Variants in BDH2 observed in about 807,000 individuals in gnomAD.
BDH2 encodes the protein dehydrogenase/reductase SDR family member 6.
BDH2 carries 24 observed loss-of-function variants against 33.2 expected under a neutral mutation model. The ratio of observed to expected loss-of-function variants is 0.72; its 90% confidence interval spans 0.52 to 1.02. The LOEUF (loss-of-function observed/expected upper bound fraction) is 1.02. Ranked by LOEUF, BDH2 falls within the 50% of genes least tolerant of loss-of-function variation. The pLI is 0.00. For synonymous variants in BDH2, 81 were observed against 101.6 expected (o/e 0.80, Z 1.22); for missense variants, 249 against 301.6 (o/e 0.83, Z 1.29).
intron 3 of BDH2, among the ~76,000 whole-genome samples, chr4:103,094,109 G>A (rs1170625622): frequency 6.6e-6 from 1 of 152,148 alleles, no homozygotes; most frequent in East Asian, 1.9e-4. Flanking sequence ...GTGGGGTGAA[G>A]AAGTGGTGGT....
At chr4:103,095,796 TA>T (rs1748375603) in intron 2 of BDH2, among the ~76,000 whole-genome samples, 1 of 152,222 alleles carries the variant, frequency 6.6e-6, no homozygotes, top group Non-Finnish European at 1.5e-5. Flanking sequence ...GAAATTGATA[TA>T]AATCAGGAGA....
chr4:103,094,261 T>C lies in BDH2; in HGVS notation c.151+942A>G, dbSNP rs562620864. 3.9e-4 allele frequency among the ~76,000 whole-genome samples: 59 copies of C among 152,194 alleles called. 1 individual carries two copies. The highest frequency in any genetic ancestry group is 5.9e-5 in the Non-Finnish European group (4 of 68,034). On this transcript the variant is annotated intron_variant, in intron 3 of 9. Transcript: ENST00000296424. The stretch of plus-strand genomic sequence containing the variant: ...AATGAAATGTGCTGCAAGTGTAAAA[T>C]ACACATGAATTTTAAAGATTTAGTA...
rs1262468840 is a variant in BDH2 at position 103,079,061 on chromosome 4, A to G, written c.*641T>C. On this transcript the variant is annotated 3_prime_UTR_variant, in exon 10 of 10. Coordinates refer to ENST00000296424, the MANE Select transcript of BDH2 (RefSeq NM_020139.4). ...CTTTTTTCTTCATATTTACATTTTA[A>G]TTGTATATGCTGCAATGGCCTATTT... 6.6e-6 allele frequency among the ~76,000 whole-genome samples: 1 copy of G among 152,162 alleles called. No individual in the cohort carries two copies. The highest frequency in any genetic ancestry group is 1.5e-5 in the Non-Finnish European group (1 of 68,016).
chr4:103,091,594 A>G, intron 4 of BDH2: 1 of 396,580 alleles, frequency 2.5e-6, no homozygotes, highest in South Asian at 1.8e-5. Flanking sequence ...ATAAAGGCGA[A>G]CAGGGCTAGG....
chr4:103,097,577 C>A (rs2125813902), intron 1 of BDH2: 1 of 152,318 alleles, frequency 6.6e-6, no homozygotes, highest in Non-Finnish European at 1.5e-5. Flanking sequence ...ATCATATCCA[C>A]ATTTCAGGCA....
rs766996263 is a variant in BDH2, at chr4:103,095,302, A to C, written c.73-21T>G. 1.0e-5 allele frequency: 16 copies of C among 1,590,522 alleles called. No individual in the cohort carries two copies. In the Admixed American group the frequency reaches 2.7e-4, roughly 27 times the overall value. On this transcript the variant is annotated intron_variant, in intron 2 of 9. Coordinates refer to ENST00000296424, the MANE Select transcript of BDH2 (RefSeq NM_020139.4). ...AAAGCCTAGTAGACACAAAGTACAA[A>C]TAAATCCTTTGTTTACTTGAATAAA...
Position 103,079,209 on chromosome 4 carries a change from TA to T in BDH2, c.*492del, listed in dbSNP as rs1262556887. Among the ~76,000 whole-genome samples, 1 of 152,132 alleles carries T rather than the reference TA, an allele frequency of 6.6e-6. No homozygotes were observed. Among genetic ancestry groups the T allele is most frequent in the Admixed American group, 6.5e-5 (1 of 15,272 alleles). On this transcript the variant is annotated 3_prime_UTR_variant, in exon 10 of 10. Transcript: ENST00000296424. ...CTCATGAACAGGATTAGTGTCCTTA[TA>T]AAAAGACACATGAGCGCTCGCTTTT...
Position 103,079,495 on chromosome 4 carries a change from T to C in BDH2, c.*207A>G, listed in dbSNP as rs1232077981. The C allele has an allele frequency of 1.8e-6, 1 of 547,138 alleles. No individual in the cohort carries two copies. The highest frequency in any genetic ancestry group is 3.2e-6 in the Non-Finnish European group (1 of 309,548). The allele number at this position is 547,138 out of a possible 1,614,324, so 33.9% of individuals were successfully genotyped here. On this transcript the variant is annotated 3_prime_UTR_variant, in exon 10 of 10. Transcript: ENST00000296424. ...TCCTGCTATGAGTTCAATATTTTTA[T>C]TTCTTTACAATGATTTCAGAAGAGA...
chr4:103,084,060 C>A lies in BDH2; in HGVS notation c.533-1131G>T, dbSNP rs554892632. ...TGATGTACTTTCTGAAACTGTATGA[C>A]AAAGACACTCTTTTTTCTAATTTTC... On this transcript the variant is annotated intron_variant, in intron 7 of 9. Coordinates refer to ENST00000296424, the MANE Select transcript of BDH2 (RefSeq NM_020139.4). Among the ~76,000 whole-genome samples the A allele has an allele frequency of 3.3e-5, 5 of 152,338 alleles. No individual in the cohort carries two copies. In the East Asian group the frequency reaches 7.7e-4, roughly 23 times the overall value.
chr4:103,093,289 T>C (rs1304408497), intron 3 of BDH2, among the ~76,000 whole-genome samples: 1 of 152,162 alleles, frequency 6.6e-6, no homozygotes, highest in Non-Finnish European at 1.5e-5. Context: ...TTCCCCTTTA[T>C]GTCATTTCCA....
chr4:103,097,430 T>C (rs1748465729), intron 1 of BDH2, among the ~76,000 whole-genome samples: 1 of 152,122 alleles, frequency 6.6e-6, no homozygotes, highest in Non-Finnish European at 1.5e-5. Context: ...GTAGTGAGGC[T>C]GGGGGTGGAG....
At chr4:103,090,816 T>C (rs567288431) in intron 5 of BDH2, among the ~76,000 whole-genome samples, 197 of 152,278 alleles carry the variant, frequency 1.3e-3, no homozygotes, top group African/African-American at 4.0e-3. Flanking sequence ...AGCTTCTTTC[T>C]CTTCATTATA....
rs1366128214 is a variant in BDH2 at position 103,078,989 on chromosome 4, A to G, written c.*713T>C. On this transcript the variant is annotated 3_prime_UTR_variant, in exon 10 of 10. Coordinates refer to ENST00000296424, the MANE Select transcript of BDH2 (RefSeq NM_020139.4). ...TACCATGCCTAGTCCTGAAATTACT[A>G]TCTTCTTCCTTAACCCCCATCTCCC... Among the ~76,000 whole-genome samples, 5 of 152,154 alleles carry G rather than the reference A, an allele frequency of 3.3e-5. No individual in the cohort carries two copies. The highest frequency in any genetic ancestry group is 6.5e-5 in the Admixed American group (1 of 15,276).
At chr4:103,092,140 G>C (rs1270768848) in intron 4 of BDH2, among the ~76,000 whole-genome samples, 1 of 152,166 alleles carries the variant, frequency 6.6e-6, no homozygotes, top group Non-Finnish European at 1.5e-5. Flanking sequence ...TGCTATTTCA[G>C]TCAGAATGTC....
At position 103,077,666 on chromosome 4, in the gene BDH2, T is replaced by TGAACCTG. The variant is rs1248732615; in HGVS notation, c.*2035_*2036insCAGGTTC. Among the ~76,000 whole-genome samples the TGAACCTG allele has an allele frequency of 1.3e-5, 2 of 152,244 alleles. No individual in the cohort carries two copies. Among genetic ancestry groups the TGAACCTG allele is most frequent in the East Asian group, 3.8e-4 (2 of 5,200 alleles). ...TTATTTGTTCATAGCTATACATATA[T>TGAACCTG]TATACATGTATACCTGCTCACAGCA... On this transcript the variant is annotated 3_prime_UTR_variant, in exon 10 of 10. Transcript: ENST00000296424.
intron 9 of BDH2, 58 bp from the exon 10 acceptor site, chr4:103,079,813 T>G (rs1181914484): frequency 6.5e-7 from 1 of 1,541,080 alleles, no homozygotes; most frequent in Non-Finnish European, 9.0e-7. Flanking sequence ...CAGGCTGTAT[T>G]TTGAAATTTT....
intron 9 of BDH2, among the ~76,000 whole-genome samples, chr4:103,080,687 G>C (rs1211209188): frequency 1.3e-5 from 2 of 152,158 alleles, no homozygotes; most frequent in African/African-American, 4.8e-5. Flanking sequence ...AACTCCTCTG[G>C]AAACCTCTAA....
intron 6 of BDH2, chr4:103,086,091 C>G: frequency 1.8e-6 from 2 of 1,103,176 alleles, no homozygotes; most frequent in Non-Finnish European, 2.2e-6. Context: ...TATCATCACA[C>G]TGGAGAAGAT....
At chr4:103,082,266 A>G (rs1290550410) in intron 8 of BDH2, 93 bp from the exon 9 acceptor site, 4 of 1,069,828 alleles carry the variant, frequency 3.7e-6, no homozygotes, top group East Asian at 2.4e-5. Flanking sequence ...AAGAGAATCC[A>G]CTGGCTTGCT....
Sources: allele counts gnomAD v4.1 joint callset (sites outside exome capture counted in the v4.1 genomes callset), GRCh38; gene constraint gnomAD v4.1.1; transcripts MANE v1.5; gene names NCBI Gene and HGNC (gene_info 2026-07-23, HGNC 2026-07-21).